Variants in TMEM132C observed in about 807,000 individuals in gnomAD.
TMEM132C encodes the protein protein phosphatase 1, regulatory subunit 152.
Under a neutral mutation model 61.4 loss-of-function variants are expected in TMEM132C, and 29 were observed. That is an observed-to-expected ratio of 0.47 (90% CI 0.35 to 0.64). TMEM132C has a LOEUF of 0.64. Among genes scored for constraint, TMEM132C ranks in the 30% least tolerant of loss-of-function variants. The pLI is 0.00. For missense variants in TMEM132C, 1,408 were observed against 1,476.9 expected (o/e 0.95, Z 0.76); for synonymous variants, 656 against 633.1 (o/e 1.04, Z -0.54).
At chr12:128,328,812 G>T (rs1187829935) in intron 1 of TMEM132C, among the ~76,000 whole-genome samples, 1 of 144,708 alleles carries the variant, frequency 6.9e-6, no homozygotes, top group African/African-American at 2.6e-5. Flanking sequence ...AAAAAAAAAG[G>T]CTAAAGCCGC....
intron 2 of TMEM132C, among the ~76,000 whole-genome samples, chr12:128,450,241 A>G (rs1870133436): frequency 6.6e-6 from 1 of 152,218 alleles, no homozygotes; most frequent in Non-Finnish European, 1.5e-5. Context: ...TAAATTTAAG[A>G]GTCACTTGTG....
At chr12:128,382,326 C>G (rs1874426850) in intron 1 of TMEM132C, among the ~76,000 whole-genome samples, 1 of 152,144 alleles carries the variant, frequency 6.6e-6, no homozygotes, top group Non-Finnish European at 1.5e-5. Context: ...ATATTATTTC[C>G]TTTGTGATAA....
intron 3 of TMEM132C, 101 bp downstream of exon 3, chr12:128,544,204 C>T: frequency 7.2e-7 from 1 of 1,396,384 alleles, no homozygotes; most frequent in Non-Finnish European, 9.4e-7. Flanking sequence ...AGCGGCTGCT[C>T]AGAGGAGCTA....
intron 5 of TMEM132C, among the ~76,000 whole-genome samples, chr12:128,671,423 C>T (rs1324741535): frequency 6.6e-6 from 1 of 152,120 alleles, no homozygotes; most frequent in African/African-American, 2.4e-5. Context: ...TTTTGTCTCT[C>T]TCTGTATTTT....
At chr12:128,459,124 C>A (rs1280713390) in intron 2 of TMEM132C, among the ~76,000 whole-genome samples, 1 of 152,200 alleles carries the variant, frequency 6.6e-6, no homozygotes, top group African/African-American at 2.4e-5. Context: ...AAGGGGAAGA[C>A]TGGACCAGCA....
At chr12:128,605,976 G>T (rs1271429432) in intron 3 of TMEM132C, among the ~76,000 whole-genome samples, 2 of 152,296 alleles carry the variant, frequency 1.3e-5, no homozygotes, top group African/African-American at 2.4e-5. Flanking sequence ...ATGTTAATTG[G>T]ATCTGAAGGG....
intron 2 of TMEM132C, among the ~76,000 whole-genome samples, chr12:128,445,800 AG>A (rs1869961669): frequency 6.6e-6 from 1 of 152,112 alleles, no homozygotes; most frequent in East Asian, 1.9e-4. Context: ...GTGATTTAAA[AG>A]CCCCCCACCC....
Position 128,469,640 on chromosome 12 carries a change from T to TTGTG in TMEM132C, c.974+54040_974+54043dup, listed in dbSNP as rs745661735. On this transcript the variant is annotated intron_variant, in intron 2 of 8. Transcript: ENST00000435159. ...GCTTGTATGCTTTGTGTGTGTGTGT[T>TTGTG]TGTGTGTGTGTGTGTGTGTGTGTAT... is the stretch of plus-strand genomic sequence containing the variant. Among the ~76,000 whole-genome samples, 509 of 146,696 alleles carry TTGTG rather than the reference T, an allele frequency of 3.5e-3. 5 individuals are homozygous for TTGTG. The highest frequency in any genetic ancestry group is 0.012 in the African/African-American group (469 of 39,534).
intron 1 of TMEM132C, among the ~76,000 whole-genome samples, chr12:128,392,064 T>TCTCTCTCTCTCTCTCTCTCTCTC (rs1555222005): frequency 7.7e-6 from 1 of 130,494 alleles, no homozygotes; most frequent in African/African-American, 3.3e-5. Context: ...CTCTCTCTCT[T>TCTCTCTCTCTCTCTCTCTCTCTC]TCTCTCTCTC....
intron 1 of TMEM132C, among the ~76,000 whole-genome samples, chr12:128,301,644 T>C (rs1301417743): frequency 6.6e-6 from 1 of 152,084 alleles, no homozygotes; most frequent in Non-Finnish European, 1.5e-5. Flanking sequence ...GGAAAGAAAT[T>C]TGCAAGGATT....
intron 1 of TMEM132C, among the ~76,000 whole-genome samples, chr12:128,277,651 G>T (rs529894674): frequency 6.6e-6 from 1 of 152,332 alleles, no homozygotes; most frequent in South Asian, 2.1e-4. Context: ...TGTTTCAGAA[G>T]ATGGGGAATG....
intron 1 of TMEM132C, among the ~76,000 whole-genome samples, chr12:128,311,685 C>T (rs892020088): frequency 1.3e-5 from 2 of 152,194 alleles, no homozygotes; most frequent in Non-Finnish European, 1.5e-5. Context: ...CCTGGTGCCC[C>T]GCAGGCTGCG....
intron 1 of TMEM132C, among the ~76,000 whole-genome samples, chr12:128,298,795 C>G (rs1321853409): frequency 6.6e-6 from 1 of 152,220 alleles, no homozygotes; most frequent in Non-Finnish European, 1.5e-5. Flanking sequence ...AATGTTTTTC[C>G]CCAGTGGGGA....
chr12:128,293,406 C>T (rs1217175346), intron 1 of TMEM132C, among the ~76,000 whole-genome samples: 5 of 152,112 alleles, frequency 3.3e-5, no homozygotes, highest in African/African-American at 1.2e-4. Flanking sequence ...GATTGTTTTG[C>T]TTAGTTGTAC....
At chr12:128,580,701 T>C (rs1213948454) in intron 3 of TMEM132C, among the ~76,000 whole-genome samples, 1 of 151,850 alleles carries the variant, frequency 6.6e-6, no homozygotes, top group Non-Finnish European at 1.5e-5. Flanking sequence ...GGAGAAGGAG[T>C]ATGATTTTTC....
chr12:128,551,488 G>A lies in TMEM132C; in HGVS notation c.1121+7385G>A, dbSNP rs147563956. Among the ~76,000 whole-genome samples, 18 of 152,198 alleles carry A rather than the reference G, an allele frequency of 1.2e-4. No homozygotes were observed. In the East Asian group the frequency reaches 2.3e-3, roughly 20 times the overall value. On this transcript the variant is annotated intron_variant, in intron 3 of 8. Transcript: ENST00000435159. ...ACCCTGGGAGAGGTCTGAGCATCTC[G>A]GCAGTCAGGCAAAGTCAGCCAACAA...
chr12:128,665,820 T>C (rs1268457048), intron 4 of TMEM132C, among the ~76,000 whole-genome samples: 48 of 35,196 alleles, frequency 1.4e-3, no homozygotes, highest in East Asian at 2.8e-3. Flanking sequence ...CACACACACA[T>C]TCACAGGCAC....
At chr12:128,404,123 C>T (rs780985566) in intron 1 of TMEM132C, among the ~76,000 whole-genome samples, 2 of 152,288 alleles carry the variant, frequency 1.3e-5, no homozygotes, top group African/African-American at 2.4e-5. Flanking sequence ...CACCCTTAAC[C>T]CTGACTTAGA....
intron 2 of TMEM132C, among the ~76,000 whole-genome samples, chr12:128,540,701 C>A (rs1873706049): frequency 6.6e-6 from 1 of 152,142 alleles, no homozygotes; most frequent in Non-Finnish European, 1.5e-5. Flanking sequence ...CCACAACAAC[C>A]AATACAGAGG....
Sources: gnomAD v4.1 joint callset for allele counts (sites outside exome capture counted in the v4.1 genomes callset) on GRCh38, gnomAD v4.1.1 for gene constraint, MANE v1.5 for transcripts, NCBI Gene and HGNC (gene_info 2026-07-23, HGNC 2026-07-21) for gene names.